SNTG2: variants seen among roughly 807,000 people sequenced by gnomAD.
SNTG2 encodes syntrophin gamma 2.
A neutral mutation model predicts 70.9 loss-of-function variants in SNTG2; 74 were observed. The ratio of observed to expected loss-of-function variants is 1.04; its 90% CI spans 0.86 to 1.27. The LOEUF (loss-of-function observed/expected upper bound fraction) is 1.27, where lower values mean the gene tolerates loss of function less well. SNTG2 is among the 50% of genes most tolerant of loss of function. The probability of loss-of-function intolerance (pLI) is 0.00; values close to 1 mark genes in which losing one functional copy is unlikely to be tolerated. For synonymous variants in SNTG2, 278 were observed against 273.8 expected (o/e 1.02, Z -0.15); for missense variants, 717 against 690.7 (o/e 1.04, Z -0.43).
intron 1 of SNTG2, among the ~76,000 whole-genome samples, chr2:993,431 C>T (rs1395513614): frequency 6.6e-6 from 1 of 151,998 alleles, no homozygotes; most frequent in Admixed American, 6.6e-5. Flanking sequence ...TGGGTTGTTC[C>T]ACTATTTGAC....
chr2:1,049,851 T>C (rs192770416), intron 1 of SNTG2, among the ~76,000 whole-genome samples: 49 of 152,352 alleles, frequency 3.2e-4, no homozygotes, highest in South Asian at 1.9e-3. Context: ...TGGTGTGTGC[T>C]AGAATCCCAT....
intron 1 of SNTG2, among the ~76,000 whole-genome samples, chr2:1,051,368 T>C (rs533800730): frequency 6.6e-6 from 1 of 152,368 alleles, no homozygotes; most frequent in East Asian, 1.9e-4. Flanking sequence ...TGTAGACGTC[T>C]CTAACCAGTT....
chr2:1,222,325 T>C (rs951932757), intron 9 of SNTG2, among the ~76,000 whole-genome samples: 3 of 152,268 alleles, frequency 2.0e-5, no homozygotes, highest in Non-Finnish European at 2.9e-5. Flanking sequence ...GATCTTTTCT[T>C]CGTATCCAAG....
rs181927833 is a variant in SNTG2, at chr2:1,228,802, C to T, written c.720-9086C>T. ...TCAAGAACGAAGCCGCGGACCCTCG[C>T]GGTGAGTGTTACAGCTCTTAGGGCA... On this transcript the variant is annotated intron_variant, in intron 9 of 16. Transcript: ENST00000308624. 6.5e-4 allele frequency among the ~76,000 whole-genome samples: 99 copies of T among 152,336 alleles called. 2 individuals are homozygous for T. Among genetic ancestry groups the T allele is most frequent in the Admixed American group, 2.0e-3 (30 of 15,306 alleles).
chr2:1,316,549 G>A (rs539540103), intron 16 of SNTG2, among the ~76,000 whole-genome samples, 174 bp downstream of exon 16: 4 of 38,510 alleles, frequency 1.0e-4, no homozygotes, highest in African/African-American at 2.2e-4. Flanking sequence ...AGAGCCTGTC[G>A]AGGTCAAATA....
rs149448639 is a variant in SNTG2, at chr2:1,328,186, C to G, written c.1488+11811C>G. ...CACCCCATGATCCAGGCACCTCCCA[C>G]CAGGCCCCACCTCCAGCACTGGGAA... On this transcript the variant is annotated intron_variant, in intron 16 of 16. Coordinates refer to ENST00000308624, the MANE Select transcript of SNTG2 (RefSeq NM_018968.4). Among the ~76,000 whole-genome samples, 919 of 152,232 alleles carry G rather than the reference C, an allele frequency of 6.0e-3. 5 individuals carry two copies. The highest frequency in any genetic ancestry group is 0.021 in the African/African-American group (866 of 41,524).
chr2:1,217,790 T>G (rs1411069054), intron 9 of SNTG2, among the ~76,000 whole-genome samples: 1 of 152,182 alleles, frequency 6.6e-6, no homozygotes, highest in African/African-American at 2.4e-5. Context: ...GCCATGGTGG[T>G]GGAGATGCTA....
chr2:1,127,127 GA>G (rs1014148735), intron 4 of SNTG2, among the ~76,000 whole-genome samples: 2 of 4,222 alleles, frequency 4.7e-4, no homozygotes, highest in Non-Finnish European at 7.8e-3. Flanking sequence ...ATTTTGAGTT[GA>G]TTTTTTTATA....
At chr2:1,152,145 T>C (rs981905007) in intron 6 of SNTG2, among the ~76,000 whole-genome samples, 2 of 152,212 alleles carry the variant, frequency 1.3e-5, no homozygotes, top group East Asian at 3.8e-4. Flanking sequence ...CCTAATTAGA[T>C]GGTTACAGGC....
Position 1,248,999 on chromosome 2 carries a change from G to A in SNTG2, c.1005+1556G>A, listed in dbSNP as rs936793203. Among the ~76,000 whole-genome samples the A allele has an allele frequency of 9.2e-5, 14 of 152,206 alleles. 1 individual carries two copies. The highest frequency in any genetic ancestry group is 2.6e-4 in the Admixed American group (4 of 15,286). On this transcript the variant is annotated intron_variant, in intron 12 of 16. Coordinates refer to ENST00000308624, the MANE Select transcript of SNTG2 (RefSeq NM_018968.4). ...GTTATGTCCTGCCTTGGGATGCTCC[G>A]AGTGCTGGTAGCATCCAACTCATCT...
chr2:1,006,628 T>C lies in SNTG2; in HGVS notation c.72+55560T>C, dbSNP rs553566287. Among the ~76,000 whole-genome samples, 186 of 152,342 alleles carry C rather than the reference T, an allele frequency of 1.2e-3. 1 individual carries two copies. Among genetic ancestry groups the C allele is most frequent in the African/African-American group, 4.1e-3 (171 of 41,576 alleles). On this transcript the variant is annotated intron_variant, in intron 1 of 16. Transcript: ENST00000308624. ...TGAATAGAAAATGTGTCTGTACTTA[T>C]GTATAGACTTTTTCCTTGTCATTAT...
intron 1 of SNTG2, among the ~76,000 whole-genome samples, chr2:959,860 G>A (rs1660293830): frequency 6.6e-6 from 1 of 151,786 alleles, no homozygotes; most frequent in Non-Finnish European, 1.5e-5. Flanking sequence ...TCTCAGTACT[G>A]AAAGTGAATA....
intron 1 of SNTG2, among the ~76,000 whole-genome samples, chr2:1,053,107 G>A (rs370953323): frequency 6.6e-6 from 1 of 152,166 alleles, no homozygotes; most frequent in Admixed American, 6.5e-5. Flanking sequence ...TTATGACCCT[G>A]CGTTTTGTCC....
intron 9 of SNTG2, among the ~76,000 whole-genome samples, chr2:1,237,242 C>A (rs1676723245): frequency 6.6e-6 from 1 of 152,128 alleles, no homozygotes; most frequent in South Asian, 2.1e-4. Flanking sequence ...TGCGCCCGGC[C>A]AATATGCACT....
chr2:1,351,600 G>A (rs1018365661), intron 16 of SNTG2, among the ~76,000 whole-genome samples: 5 of 152,108 alleles, frequency 3.3e-5, no homozygotes, highest in Non-Finnish European at 5.9e-5. Context: ...GGAGGCACAC[G>A]GGATGTGAAC....
chr2:1,282,175 T>G (rs973008936), intron 14 of SNTG2, among the ~76,000 whole-genome samples: 25 of 152,310 alleles, frequency 1.6e-4, no homozygotes, highest in Non-Finnish European at 3.4e-4. Context: ...GTGGCTCTTT[T>G]TCCAGACACC....
At chr2:982,871 G>A (rs1661155800) in intron 1 of SNTG2, among the ~76,000 whole-genome samples, 1 of 152,070 alleles carries the variant, frequency 6.6e-6, no homozygotes, top group African/African-American at 2.4e-5. Flanking sequence ...GAAACTGTGA[G>A]ACACTAAAAC....
At chr2:1,070,940 C>T (rs1302836934) in intron 1 of SNTG2, among the ~76,000 whole-genome samples, 2 of 152,172 alleles carry the variant, frequency 1.3e-5, no homozygotes, top group African/African-American at 4.8e-5. Context: ...TGGCTTGCGT[C>T]CTGCCTCTAT....
chr2:1,265,444 G>A (rs901051317), intron 13 of SNTG2, among the ~76,000 whole-genome samples: 6 of 152,094 alleles, frequency 3.9e-5, no homozygotes, highest in Non-Finnish European at 7.4e-5. Context: ...ATGTTCTCAC[G>A]TGCACACACC....
Sources: allele counts gnomAD v4.1 joint callset (sites outside exome capture counted in the v4.1 genomes callset), GRCh38; gene constraint gnomAD v4.1.1; transcripts MANE v1.5; gene names NCBI Gene and HGNC (gene_info 2026-07-23, HGNC 2026-07-21).